Variants in TMEFF2 observed in about 807,000 individuals in gnomAD.
The protein encoded by TMEFF2 is transmembrane protein with EGF like and two follistatin like domains 2, also known as tomoregulin-2.
In TMEFF2, 28 loss-of-function variants were observed where a neutral mutation model predicts 53.8. The ratio of observed to expected loss-of-function variants is 0.52; its 90% CI spans 0.39 to 0.71. The LOEUF is 0.71. Ranked by LOEUF, TMEFF2 falls within the 30% of genes least tolerant of loss-of-function variation. The pLI, the probability that TMEFF2 is intolerant of heterozygous loss-of-function variation, is 0.00. For synonymous variants in TMEFF2, 162 were observed against 166.3 expected (o/e 0.97, Z 0.20); for missense variants, 353 against 455.2 (o/e 0.78, Z 2.04).
At chr2:191,967,683 T>C in intron 7 of TMEFF2, among the ~76,000 whole-genome samples, 1 of 152,152 alleles carries the variant, frequency 6.6e-6, no homozygotes, top group Non-Finnish European at 1.5e-5. Context: ...ATGCTAGGCT[T>C]TCCTGCACCC....
rs569723487 is a variant in TMEFF2, at chr2:191,949,227, C to CAACT, written c.*1080_*1083dup. 9 of 985,250 alleles carry CAACT rather than the reference C, an allele frequency of 9.1e-6. No homozygotes were observed. The African/African-American group carries it at 1.4e-4, about 15-fold the overall frequency. 61.0% of individuals were successfully genotyped at this position (985,250 alleles called of 1,614,324 possible). On this transcript the variant is annotated 3_prime_UTR_variant, in exon 10 of 10. Transcript: ENST00000272771. ...GCACAAATCAAACAAAAATCCATAC[C>CAACT]AACTTCCCAGTGAGGTCTTTCAGAT...
chr2:191,966,561 C>T (rs1390016921), intron 7 of TMEFF2, among the ~76,000 whole-genome samples: 2 of 152,096 alleles, frequency 1.3e-5, no homozygotes, highest in Admixed American at 1.3e-4. Flanking sequence ...TGGCCATTCA[C>T]ACTGTGTGTA....
At chr2:192,005,128 G>C (rs1366007680) in intron 5 of TMEFF2, among the ~76,000 whole-genome samples, 2 of 152,144 alleles carry the variant, frequency 1.3e-5, no homozygotes, top group Admixed American at 1.3e-4. Flanking sequence ...AACATTGACT[G>C]AAAACCTTAG....
intron 5 of TMEFF2, 137 bp downstream of exon 5, chr2:192,057,542 A>ATTTTTTT: frequency 1.4e-6 from 1 of 696,468 alleles, no homozygotes; most frequent in South Asian, 2.0e-5. Context: ...CCTTGCCCTC[A>ATTTTTTT]TTTTTTTTTT....
intron 4 of TMEFF2, among the ~76,000 whole-genome samples, chr2:192,168,242 C>T (rs1350332702): frequency 6.6e-6 from 1 of 151,942 alleles, no homozygotes; most frequent in Non-Finnish European, 1.5e-5. Context: ...AAGTAATATG[C>T]TTTGATGGTT....
chr2:192,190,719 A>G (rs1017124022), intron 2 of TMEFF2, among the ~76,000 whole-genome samples: 1 of 152,164 alleles, frequency 6.6e-6, no homozygotes, highest in Non-Finnish European at 1.5e-5. Flanking sequence ...AGGTTTTAGC[A>G]TTTCTAAAAG....
At chr2:192,082,770 T>C (rs1009172447) in intron 4 of TMEFF2, among the ~76,000 whole-genome samples, 4 of 148,674 alleles carry the variant, frequency 2.7e-5, no homozygotes, top group African/African-American at 9.9e-5. Flanking sequence ...TTCCCCAAAC[T>C]GTTATTCCTA....
chr2:191,971,892 TAG>T (rs1692652567), intron 7 of TMEFF2, among the ~76,000 whole-genome samples: 2 of 152,142 alleles, frequency 1.3e-5, no homozygotes, highest in African/African-American at 4.8e-5. Context: ...CGTGGGATAC[TAG>T]AGAGGTGATA....
chr2:192,013,908 T>C (rs1686690672), intron 5 of TMEFF2, among the ~76,000 whole-genome samples: 2 of 151,170 alleles, frequency 1.3e-5, no homozygotes, highest in Non-Finnish European at 2.9e-5. Context: ...AAAAAATGAA[T>C]AAGTAAATGA....
intron 4 of TMEFF2, among the ~76,000 whole-genome samples, chr2:192,152,218 A>C (rs537481869): frequency 5.5e-4 from 83 of 152,034 alleles, no homozygotes; most frequent in African/African-American, 2.0e-3. Context: ...GGTGACAGTG[A>C]AGGCTTGTCT....
intron 4 of TMEFF2, 31 bp from the exon 5 acceptor site, chr2:192,057,806 C>G (rs1315844980): frequency 1.3e-6 from 2 of 1,553,424 alleles, no homozygotes; most frequent in Non-Finnish European, 8.9e-7. Flanking sequence ...AAAAGGAATT[C>G]AGGTAATTGT....
chr2:192,183,587 C>A (rs1302884937), intron 3 of TMEFF2, among the ~76,000 whole-genome samples: 1 of 152,080 alleles, frequency 6.6e-6, no homozygotes, highest in East Asian at 1.9e-4. Flanking sequence ...TATTATGGCA[C>A]CTTACAGCCT....
intron 4 of TMEFF2, among the ~76,000 whole-genome samples, chr2:192,067,344 T>A (rs1365884698): frequency 6.6e-6 from 1 of 151,748 alleles, no homozygotes; most frequent in East Asian, 1.9e-4. Flanking sequence ...GGAAGAGGGA[T>A]GGCAGAGTAT....
At chr2:192,161,619 T>G (rs749826406) in intron 4 of TMEFF2, among the ~76,000 whole-genome samples, 11 of 152,190 alleles carry the variant, frequency 7.2e-5, no homozygotes, top group Non-Finnish European at 1.3e-4. Context: ...GATGTGAAAG[T>G]TAAACATGTG....
At chr2:192,103,727 A>G (rs1054257082) in intron 4 of TMEFF2, among the ~76,000 whole-genome samples, 25 of 152,066 alleles carry the variant, frequency 1.6e-4, no homozygotes, top group African/African-American at 5.8e-4. Context: ...CTTGGTAAGA[A>G]TCAAAGCAAT....
At chr2:192,093,209 A>C (rs1454046341) in intron 4 of TMEFF2, among the ~76,000 whole-genome samples, 1 of 152,106 alleles carries the variant, frequency 6.6e-6, no homozygotes, top group African/African-American at 2.4e-5. Flanking sequence ...CTCACATTTT[A>C]CTGGGAAGAA....
In TMEFF2 at chr2:192,157,317, CT is replaced by C. The variant is rs1388170293; in HGVS notation, c.439+22350del. On this transcript the variant is annotated intron_variant, in intron 4 of 9. Transcript: ENST00000272771. ...TTAGTAACCTGGACATCTTAGGCCA[CT>C]TTTTTTACTCTGAATCTTAGTTTTC... 2.6e-5 allele frequency among the ~76,000 whole-genome samples: 4 copies of C among 151,898 alleles called. No homozygotes were observed. The East Asian group carries it at 7.7e-4, about 29-fold the overall frequency.
chr2:192,025,375 G>GA (rs1350436438), intron 5 of TMEFF2, among the ~76,000 whole-genome samples: 2 of 52,290 alleles, frequency 3.8e-5, no homozygotes, highest in Admixed American at 2.4e-4. Context: ...CTAACAGAAG[G>GA]GTTTTTTTTT....
At chr2:191,964,372 C>CTTTT (rs1324161895) in intron 7 of TMEFF2, among the ~76,000 whole-genome samples, 2 of 77,608 alleles carry the variant, frequency 2.6e-5, no homozygotes, top group Non-Finnish European at 5.1e-5. Flanking sequence ...TTCTTTCTTT[C>CTTTT]TCTTTCTTTC....
Sources: allele counts gnomAD v4.1 joint callset (sites outside exome capture counted in the v4.1 genomes callset), GRCh38; gene constraint gnomAD v4.1.1; transcripts MANE v1.5; gene names NCBI Gene and HGNC (gene_info 2026-07-23, HGNC 2026-07-21).